MGMT: variants seen among roughly 807,000 people sequenced by gnomAD.
MGMT encodes O-6-methylguanine-DNA methyltransferase, also known as methylated-DNA--protein-cysteine methyltransferase.
Under a neutral mutation model 15.9 loss-of-function variants are expected in MGMT, and 14 were observed. The ratio of observed to expected loss-of-function variants is 0.88; its 90% confidence interval spans 0.58 to 1.37. MGMT has a LOEUF of 1.37. Ranked by LOEUF, MGMT falls within the 40% of genes most tolerant of loss-of-function variation. The pLI, the probability that MGMT is intolerant of heterozygous loss-of-function variation, is 0.00. For synonymous variants in MGMT, 130 were observed against 118.2 expected (o/e 1.10, Z -0.65); for missense variants, 282 against 268.1 (o/e 1.05, Z -0.36).
chr10:129,519,460 A>G (rs1365062747), intron 1 of MGMT, among the ~76,000 whole-genome samples: 1 of 152,220 alleles, frequency 6.6e-6, no homozygotes, highest in Non-Finnish European at 1.5e-5. Context: ...CGGATTAATC[A>G]TTTGGAAGCG....
chr10:129,575,694 C>A (rs1490983050), intron 2 of MGMT, among the ~76,000 whole-genome samples: 3 of 150,888 alleles, frequency 2.0e-5, no homozygotes, highest in African/African-American at 7.3e-5. Flanking sequence ...CAGAGCAGAA[C>A]TGAAGGAAAT....
rs780706260 is a variant in MGMT at position 129,707,917 on chromosome 10, G to T, written c.148G>T (p.Ala50Ser). 2 of 1,612,072 alleles carry T rather than the reference G, an allele frequency of 1.2e-6. No homozygotes were observed. The highest frequency in any genetic ancestry group is 1.7e-5 in the Admixed American group (1 of 60,012). Residue 50 changes from alanine to serine, a missense_variant, in exon 3 of 5, where the codon GCT becomes TCT. Physicochemically the swap from Ala to Ser is moderately conservative, Grantham distance 99. Coordinates refer to ENST00000651593, the MANE Select transcript of MGMT (RefSeq NM_002412.5). ...AADAVEVPAP[A>S]AVLGGPEPLM... is the part of the protein sequence containing the mutation. ...CAGTGCCGTGGAGGTCCCAGCCCCC[G>T]CTGCGGTTCTCGGAGGTCCGGAGCC...
rs4751107 is a variant in MGMT, at chr10:129,629,397, G to A, written c.126-78498G>A. Among the ~76,000 whole-genome samples the A allele has an allele frequency of 2.3e-3, 353 of 152,134 alleles. 1 individual carries two copies. Among genetic ancestry groups the A allele is most frequent in the African/African-American group, 8.0e-3 (333 of 41,496 alleles). Reference sequence around the variant, plus strand: ...GTGTGTATTGTATGAGTGTATCATAGAATATTTCATTGTCCGTGGTAGTAC... The same window carrying A: ...GTGTGTATTGTATGAGTGTATCATAAAATATTTCATTGTCCGTGGTAGTAC... On this transcript the variant is annotated intron_variant, in intron 2 of 4. Coordinates refer to ENST00000651593, the MANE Select transcript of MGMT (RefSeq NM_002412.5).
rs148415446 is a variant in MGMT, at chr10:129,519,601, C to T, written c.-12-16640C>T. On this transcript the variant is annotated intron_variant, in intron 1 of 4. Transcript: ENST00000651593. ...AGCCACCGGAGCATGTTGGGAACAC[C>T]GGGAGCCGCTGGAACGTGTCTGGAA... Among the ~76,000 whole-genome samples, 207 of 152,286 alleles carry T rather than the reference C, an allele frequency of 1.4e-3. 1 individual carries two copies. The highest frequency in any genetic ancestry group is 6.8e-3 in the Middle Eastern group (2 of 294).
At chr10:129,764,573 C>G (rs1848911426) in intron 4 of MGMT, among the ~76,000 whole-genome samples, 1 of 152,236 alleles carries the variant, frequency 6.6e-6, no homozygotes, top group African/African-American at 2.4e-5. Context: ...CTCACCTGAC[C>G]AGTAGCTGGT....
intron 4 of MGMT, among the ~76,000 whole-genome samples, chr10:129,764,706 A>G (rs1848913422): frequency 6.6e-6 from 1 of 152,208 alleles, no homozygotes; most frequent in Admixed American, 6.5e-5. Flanking sequence ...GTGGAGTCGG[A>G]GTGATACCCG....
chr10:129,691,732 A>T (rs1847972096), intron 2 of MGMT, among the ~76,000 whole-genome samples: 1 of 152,136 alleles, frequency 6.6e-6, no homozygotes, highest in Non-Finnish European at 1.5e-5. Context: ...GCCCACAGTG[A>T]GGAATTCAAA....
At chr10:129,722,520 A>G (rs1340040642) in intron 3 of MGMT, among the ~76,000 whole-genome samples, 2 of 152,238 alleles carry the variant, frequency 1.3e-5, no homozygotes, top group Non-Finnish European at 2.9e-5. Context: ...TAGAATATTT[A>G]AAACAATCTT....
intron 2 of MGMT, among the ~76,000 whole-genome samples, chr10:129,553,922 G>C (rs184741932): frequency 6.6e-6 from 1 of 152,322 alleles, no homozygotes; most frequent in Non-Finnish European, 1.5e-5. Flanking sequence ...GCAGGCTCCT[G>C]GGGAAGACGT....
chr10:129,493,817 A>G (rs1402969692), intron 1 of MGMT, among the ~76,000 whole-genome samples: 3 of 152,152 alleles, frequency 2.0e-5, no homozygotes, highest in Non-Finnish European at 4.4e-5. Context: ...GTTTGCTGCA[A>G]TACTCTCTAG....
intron 3 of MGMT, among the ~76,000 whole-genome samples, chr10:129,748,533 T>G (rs1848719983): frequency 6.6e-6 from 1 of 151,966 alleles, no homozygotes; most frequent in Non-Finnish European, 1.5e-5. Context: ...CTTGAAGGAG[T>G]CTTGTGTCTT....
At chr10:129,598,488 C>T (rs992036711) in intron 2 of MGMT, among the ~76,000 whole-genome samples, 8 of 152,276 alleles carry the variant, frequency 5.3e-5, no homozygotes, top group Admixed American at 1.3e-4. Context: ...TGGTGGCCCA[C>T]ACTCCCCTGC....
chr10:129,601,206 A>G (rs867903708), intron 2 of MGMT, among the ~76,000 whole-genome samples: 1 of 152,120 alleles, frequency 6.6e-6, no homozygotes, highest in Non-Finnish European at 1.5e-5. Context: ...GTTTGGCTTC[A>G]GTCTTCCCAG....
At chr10:129,634,686 TC>T (rs1194424901) in intron 2 of MGMT, among the ~76,000 whole-genome samples, 1 of 152,184 alleles carries the variant, frequency 6.6e-6, no homozygotes, top group Non-Finnish European at 1.5e-5. Flanking sequence ...TCTCTTTGGA[TC>T]TTTTTTTTAC....
chr10:129,728,375 C>T (rs780607067), intron 3 of MGMT, among the ~76,000 whole-genome samples: 4 of 152,056 alleles, frequency 2.6e-5, no homozygotes, highest in African/African-American at 9.7e-5. Flanking sequence ...GAGTGGGTGA[C>T]GCCAGTGATG....
chr10:129,476,423 A>G (rs1845295183), intron 1 of MGMT, among the ~76,000 whole-genome samples: 1 of 152,116 alleles, frequency 6.6e-6, no homozygotes, highest in African/African-American at 2.4e-5. Context: ...TGTGGAGATC[A>G]TGACAGTTGC....
At chr10:129,645,205 C>T (rs1408286197) in intron 2 of MGMT, among the ~76,000 whole-genome samples, 1 of 151,176 alleles carries the variant, frequency 6.6e-6, no homozygotes, top group East Asian at 1.9e-4. Flanking sequence ...CTGCAACCTC[C>T]GCCTCCTGGG....
intron 1 of MGMT, among the ~76,000 whole-genome samples, chr10:129,521,762 A>G (rs12264367): frequency 0.25 from 37,844 of 152,166 alleles, 5,665 homozygotes; most frequent in African/African-American, 0.42. Flanking sequence ...GCCCAGGGCA[A>G]GTCCCACGAG....
At chr10:129,735,393 G>T (rs1431976760) in intron 3 of MGMT, among the ~76,000 whole-genome samples, 3 of 152,154 alleles carry the variant, frequency 2.0e-5, no homozygotes, top group Admixed American at 1.3e-4. Flanking sequence ...ATTTCTGTGG[G>T]ATTGGTGATG....
Sources: gnomAD v4.1 joint callset for allele counts (sites outside exome capture counted in the v4.1 genomes callset) on GRCh38, gnomAD v4.1.1 for gene constraint, MANE v1.5 for transcripts, NCBI Gene and HGNC (gene_info 2026-07-23, HGNC 2026-07-21) for gene names.